METTL25: variants seen among roughly 807,000 people sequenced by gnomAD.
METTL25 encodes methyltransferase like 25.
METTL25 carries 64 observed loss-of-function variants against 71.6 expected under a neutral mutation model. That is an observed-to-expected ratio of 0.89 (90% confidence interval 0.73 to 1.10). The LOEUF is 1.10. METTL25 is among the 50% of genes least tolerant of loss of function. The pLI is 0.00. For missense variants in METTL25, 807 were observed against 707.0 expected, an observed-to-expected ratio of 1.14 and a Z score of -1.60; for synonymous variants, 287 against 250.3, an observed-to-expected ratio of 1.15 and a Z score of -1.38.
At chr12:82,426,812 C>T (rs571788484) in intron 5 of METTL25, among the ~76,000 whole-genome samples, 5 of 152,006 alleles carry the variant, frequency 3.3e-5, no homozygotes, top group South Asian at 2.1e-4. Flanking sequence ...CCCATATCTT[C>T]GCTTTATCAC....
At chr12:82,395,500 A>G (rs906644005) in intron 3 of METTL25, among the ~76,000 whole-genome samples, 1 of 152,086 alleles carries the variant, frequency 6.6e-6, no homozygotes, top group African/African-American at 2.4e-5. Context: ...GATGTAGCTT[A>G]TGAGAGACAG....
intron 11 of METTL25, 135 bp downstream of exon 11, chr12:82,477,487 A>G (rs571503042): frequency 1.1e-5 from 5 of 456,848 alleles, no homozygotes; most frequent in Non-Finnish European, 1.2e-5. Context: ...TCATAGTTTA[A>G]ATGTTCATTC....
At chr12:82,456,040 A>G (rs180853495) in intron 8 of METTL25, among the ~76,000 whole-genome samples, 1 of 152,048 alleles carries the variant, frequency 6.6e-6, no homozygotes, top group East Asian at 1.9e-4. Context: ...TGTTATGTCT[A>G]ATTAATCAGA....
At chr12:82,432,541 A>G (rs1889594793) in intron 6 of METTL25, among the ~76,000 whole-genome samples, 2 of 151,746 alleles carry the variant, frequency 1.3e-5, no homozygotes, top group East Asian at 1.9e-4. Context: ...AGACAAAAGA[A>G]TAGATTGTAT....
chr12:82,416,200 C>T (rs1887968133), intron 5 of METTL25, among the ~76,000 whole-genome samples: 1 of 152,056 alleles, frequency 6.6e-6, no homozygotes, highest in Non-Finnish European at 1.5e-5. Context: ...CGTTAAGTAT[C>T]TCCTTTACAA....
At chr12:82,470,043 C>G (rs2137298962) in intron 9 of METTL25, among the ~76,000 whole-genome samples, 1 of 152,238 alleles carries the variant, frequency 6.6e-6, no homozygotes, top group Admixed American at 6.5e-5. Flanking sequence ...CTTTAGACTC[C>G]ACAAATCTTG....
chr12:82,422,686 A>G (rs1888626096), intron 5 of METTL25, among the ~76,000 whole-genome samples: 1 of 152,206 alleles, frequency 6.6e-6, no homozygotes, highest in Non-Finnish European at 1.5e-5. Context: ...GTGATAAGCA[A>G]CTTCAGCAAA....
chr12:82,441,229 C>T (rs546369731), intron 8 of METTL25, among the ~76,000 whole-genome samples: 1 of 151,722 alleles, frequency 6.6e-6, no homozygotes, highest in Admixed American at 6.6e-5. Context: ...TAGCTGCCTA[C>T]AAGAAATAAA....
Position 82,358,755 on chromosome 12 carries a change from A to G in METTL25, c.190A>G (p.Lys64Glu), listed in dbSNP as rs374622914. ...GGAGACAGTGCTGGCTGCGCTGAGG[A>G]AGTCAGCGTCGGAGACGGAGGCCCT... ...PPETVLAALR[K>E]SASETEALPS... Residue 64 changes from lysine (K) to glutamate (E), a missense_variant, in exon 1 of 12, where the codon AAG becomes GAG. Transcript: ENST00000248306. 1 of 1,613,762 alleles carries G rather than the reference A, an allele frequency of 6.2e-7. No individual in the cohort carries two copies. Among genetic ancestry groups the G allele is most frequent in the Non-Finnish European group, 8.5e-7 (1 of 1,179,992 alleles).
At chr12:82,464,643 G>A (rs1462231725) in intron 9 of METTL25, among the ~76,000 whole-genome samples, 1 of 151,620 alleles carries the variant, frequency 6.6e-6, no homozygotes, top group Non-Finnish European at 1.5e-5. Flanking sequence ...TTCTAATTCT[G>A]TGTAGAATGT....
intron 5 of METTL25, among the ~76,000 whole-genome samples, chr12:82,406,219 C>A (rs1450384507): frequency 1.3e-5 from 2 of 151,998 alleles, no homozygotes; most frequent in Admixed American, 1.3e-4. Context: ...TTTAAAAAGC[C>A]CTCAATCCTA....
intron 1 of METTL25, among the ~76,000 whole-genome samples, chr12:82,367,805 T>C (rs1882731462): frequency 6.6e-6 from 1 of 152,178 alleles, no homozygotes; most frequent in Non-Finnish European, 1.5e-5. Context: ...GCTCTTCAGC[T>C]GGAACTTGGC....
chr12:82,399,435 CATT>C (rs1886391153), intron 4 of METTL25, 41 bp downstream of exon 4: 2 of 1,426,598 alleles, frequency 1.4e-6, no homozygotes, highest in Admixed American at 2.3e-5. Context: ...TTTACAAAAA[CATT>C]GTATTCAATT....
intron 8 of METTL25, among the ~76,000 whole-genome samples, chr12:82,452,364 G>A (rs1222510065): frequency 1.3e-5 from 2 of 152,150 alleles, no homozygotes; most frequent in Non-Finnish European, 2.9e-5. Flanking sequence ...TTAGCCAGGT[G>A]CAGTGGCTCA....
intron 1 of METTL25, among the ~76,000 whole-genome samples, chr12:82,375,856 TATCCC>T (rs1883798770): frequency 6.6e-6 from 1 of 152,232 alleles, no homozygotes; most frequent in South Asian, 2.1e-4. Flanking sequence ...GTTACCCTTA[TATCCC>T]AATTTAGGTT....
chr12:82,450,993 TTTTA>T (rs1891107992), intron 8 of METTL25, among the ~76,000 whole-genome samples: 1 of 152,134 alleles, frequency 6.6e-6, no homozygotes, highest in South Asian at 2.1e-4. Context: ...ATAGTACATG[TTTTA>T]TTTATTTGTG....
chr12:82,416,594 C>T (rs113065178), intron 5 of METTL25, among the ~76,000 whole-genome samples: 2 of 151,752 alleles, frequency 1.3e-5, no homozygotes, highest in African/African-American at 2.4e-5. Context: ...GTGCGTGACA[C>T]CACACCTGGT....
chr12:82,477,564 T>G (rs1892948963), intron 11 of METTL25, among the ~76,000 whole-genome samples: 1 of 151,808 alleles, frequency 6.6e-6, no homozygotes, highest in Non-Finnish European at 1.5e-5. Context: ...ATAATAAAGT[T>G]TACATTCTTT....
At chr12:82,470,717 A>G (rs1351683814) in intron 9 of METTL25, among the ~76,000 whole-genome samples, 1 of 152,188 alleles carries the variant, frequency 6.6e-6, no homozygotes, top group African/African-American at 2.4e-5. Flanking sequence ...AACCACTTAT[A>G]TATTTAAAAT....
Sources: gnomAD v4.1 joint callset for allele counts (sites outside exome capture counted in the v4.1 genomes callset) on GRCh38, gnomAD v4.1.1 for gene constraint, MANE v1.5 for transcripts, NCBI Gene and HGNC (gene_info 2026-07-23, HGNC 2026-07-21) for gene names.